Variants in SHQ1 observed in about 807,000 individuals in gnomAD.
SHQ1 encodes the protein SHQ1, H/ACA ribonucleoprotein assembly factor.
A neutral mutation model predicts 53.8 loss-of-function variants in SHQ1; 49 were observed. That is an observed-to-expected ratio of 0.91 (90% CI 0.72 to 1.16). SHQ1 has a LOEUF of 1.16. SHQ1 is among the 50% of genes most tolerant of loss of function. The pLI is 0.00. For missense variants in SHQ1, 738 were observed against 683.1 expected (o/e 1.08, Z -0.90); for synonymous variants, 243 against 251.0 (o/e 0.97, Z 0.30).
At chr3:72,744,731 C>A (rs1157153835), downstream of SHQ1, among the ~76,000 whole-genome samples, 1 of 152,082 alleles carries the variant, frequency 6.6e-6, no homozygotes, top group Non-Finnish European at 1.5e-5. Context: ...ACTCAGAAAA[C>A]AGGAGAGAAA....
At chr3:72,842,439 A>G (rs2106963732) in intron 2 of SHQ1, 37 bp from the exon 3 acceptor site, 2 of 1,594,958 alleles carry the variant, frequency 1.3e-6, no homozygotes, top group Non-Finnish European at 1.7e-6. Flanking sequence ...AGATTAAAAT[A>G]TTTAAAAAGC....
At chr3:72,817,631 C>T (rs768764401) in intron 6 of SHQ1, among the ~76,000 whole-genome samples, 4 of 151,978 alleles carry the variant, frequency 2.6e-5, no homozygotes, top group Non-Finnish European at 5.9e-5. Context: ...AATTCCTGAC[C>T]CTCCCTTTTT....
intron 10 of SHQ1, among the ~76,000 whole-genome samples, chr3:72,762,821 C>T (rs1306421159): frequency 1.3e-5 from 2 of 151,828 alleles, no homozygotes; most frequent in Non-Finnish European, 2.9e-5. Context: ...ATTACAGGCA[C>T]GCACCACCAC....
At chr3:72,741,245 C>T in the SHQ1 span, among the ~76,000 whole-genome samples, 2 of 152,288 alleles carry the variant, frequency 1.3e-5, no homozygotes, top group African/African-American at 2.4e-5. Context: ...CACAGGGTCT[C>T]ACTATGCCCA....
rs867582129 is a variant in SHQ1 at position 72,792,836 on chromosome 3, C to T, written c.1181+80G>A. 1.2e-4 allele frequency: 73 copies of T among 614,534 alleles called. No individual in the cohort carries two copies. In the East Asian group the frequency reaches 1.7e-3, roughly 14 times the overall value. The allele number at this position is 614,534 out of a possible 1,614,324, so 38.1% of individuals were successfully genotyped here. ...ACACAACTTACTCCTCAGGTTATTT[C>T]GTTTTCTTCCTCCTGGGTAAATAGG... On this transcript the variant is annotated intron_variant, in intron 10 of 10. Coordinates refer to ENST00000325599, the MANE Select transcript of SHQ1 (RefSeq NM_018130.3).
intron 10 of SHQ1, among the ~76,000 whole-genome samples, chr3:72,768,481 T>C (rs1705779683): frequency 6.6e-6 from 1 of 152,220 alleles, no homozygotes; most frequent in Non-Finnish European, 1.5e-5. Context: ...CGAAAGCAAC[T>C]CGGTTTTACA....
chr3:72,839,206 C>T (rs1300248962), intron 4 of SHQ1, among the ~76,000 whole-genome samples: 1 of 152,158 alleles, frequency 6.6e-6, no homozygotes, highest in African/African-American at 2.4e-5. Flanking sequence ...CATTCATGTA[C>T]AGCGTTAGAT....
chr3:72,743,934 TG>T, the SHQ1 span, among the ~76,000 whole-genome samples: 1 of 152,150 alleles, frequency 6.6e-6, no homozygotes, highest in Non-Finnish European at 1.5e-5. Context: ...GGCAGTTGAA[TG>T]GGGGCCTTGA....
the SHQ1 span, among the ~76,000 whole-genome samples, chr3:72,738,001 C>T: frequency 6.6e-6 from 1 of 152,202 alleles, no homozygotes; most frequent in Non-Finnish European, 1.5e-5. Flanking sequence ...GGTTGCCCCC[C>T]AATTCCCCAG....
chr3:72,844,861 A>T (rs1708284025), intron 1 of SHQ1, among the ~76,000 whole-genome samples: 1 of 152,202 alleles, frequency 6.6e-6, no homozygotes, highest in Non-Finnish European at 1.5e-5. Flanking sequence ...TGCATACACA[A>T]AAGTATTAAA....
chr3:72,841,033 A>G lies in SHQ1; in HGVS notation c.486+12T>C, dbSNP rs1207902826. On this transcript the variant is annotated intron_variant, in intron 4 of 10. Transcript: ENST00000325599. The stretch of plus-strand genomic sequence containing the variant: ...ACCCTATAGATCAAGATCTTTCAGA[A>G]AGACAACATACCTGTAACCGTTGCA... 1 of 1,596,336 alleles carries G rather than the reference A, an allele frequency of 6.3e-7. No homozygotes were observed.
intron 10 of SHQ1, among the ~76,000 whole-genome samples, chr3:72,787,184 CAGA>C (rs1269621737): frequency 6.6e-6 from 1 of 152,174 alleles, no homozygotes; most frequent in African/African-American, 2.4e-5. Flanking sequence ...TCCAAAAGGT[CAGA>C]AGATTTCAGC....
chr3:72,824,583 C>T (rs1174109790), intron 5 of SHQ1, 32 bp from the exon 6 acceptor site: 1 of 1,580,422 alleles, frequency 6.3e-7, no homozygotes, highest in South Asian at 1.2e-5. Context: ...ACTTACTATA[C>T]AGGATTTCAC....
At chr3:72,825,351 T>TA (rs1182655185) in intron 5 of SHQ1, among the ~76,000 whole-genome samples, 3 of 137,734 alleles carry the variant, frequency 2.2e-5, no homozygotes, top group African/African-American at 9.3e-5. Flanking sequence ...ACAAAGAGGC[T>TA]AAAAGGGGCT....
the SHQ1 span, among the ~76,000 whole-genome samples, chr3:72,743,574 T>G: frequency 6.6e-6 from 1 of 152,212 alleles, no homozygotes; most frequent in East Asian, 1.9e-4. Flanking sequence ...TCAAGACTTA[T>G]GAAACAAAAG....
chr3:72,832,516 T>A, intron 4 of SHQ1, 35 bp from the exon 5 acceptor site: 1 of 1,448,768 alleles, frequency 6.9e-7, no homozygotes. Flanking sequence ...ATAATTGCTA[T>A]CTCCTATTTT....
the SHQ1 span, among the ~76,000 whole-genome samples, chr3:72,736,483 A>T: frequency 4.0e-5 from 6 of 151,104 alleles, no homozygotes; most frequent in African/African-American, 1.2e-4. Context: ...ATCATTAAAA[A>T]TTTTTTTAAA....
chr3:72,739,307 T>G, the SHQ1 span, among the ~76,000 whole-genome samples: 56 of 145,552 alleles, frequency 3.8e-4, 1 homozygote, highest in African/African-American at 1.3e-3. Flanking sequence ...ACAATCCCCC[T>G]CCTCATCTTC....
At chr3:72,823,300 C>T (rs1180701449) in intron 6 of SHQ1, among the ~76,000 whole-genome samples, 1 of 151,992 alleles carries the variant, frequency 6.6e-6, no homozygotes, top group Non-Finnish European at 1.5e-5. Context: ...ACATTTATTA[C>T]AATATTTATA....
Sources: allele counts gnomAD v4.1 joint callset (sites outside exome capture counted in the v4.1 genomes callset), GRCh38; gene constraint gnomAD v4.1.1; transcripts MANE v1.5; gene names NCBI Gene and HGNC (gene_info 2026-07-23, HGNC 2026-07-21).